The following WDFY2 variants were observed in gnomAD, a reference collection of about 807,000 sequenced individuals.
The protein encoded by WDFY2 is WD repeat and FYVE domain containing 2.
Under a neutral mutation model 56.4 loss-of-function variants are expected in WDFY2, and 36 were observed. The ratio of observed to expected loss-of-function variants is 0.64; its 90% CI spans 0.49 to 0.84. The LOEUF is 0.84. WDFY2 is among the 40% of genes least tolerant of loss of function. The pLI is 0.00. For synonymous variants in WDFY2, 176 were observed against 183.7 expected (o/e 0.96, Z 0.34); for missense variants, 444 against 512.2 (o/e 0.87, Z 1.29).
chr13:51,640,841 C>T lies in WDFY2; in HGVS notation c.138-19755C>T, dbSNP rs571997164. 1.1e-4 allele frequency among the ~76,000 whole-genome samples: 16 copies of T among 152,082 alleles called. No individual in the cohort carries two copies. In the South Asian group the frequency reaches 2.3e-3, roughly 22 times the overall value. On this transcript the variant is annotated intron_variant, in intron 1 of 11. Coordinates refer to ENST00000298125, the MANE Select transcript of WDFY2 (RefSeq NM_052950.4). ...CTCCAGCCTGGGCAACAAGATTTAT[C>T]GAATCATTTAATTCCTCTAGAGTCC...
chr13:51,651,010 T>G (rs1034825221), intron 1 of WDFY2, among the ~76,000 whole-genome samples: 3 of 152,222 alleles, frequency 2.0e-5, no homozygotes, highest in Admixed American at 6.5e-5. Flanking sequence ...TCCTTGTACC[T>G]CTGGTAGAAT....
At chr13:51,746,982 C>T (rs140938865) in intron 7 of WDFY2, among the ~76,000 whole-genome samples, 12 of 152,344 alleles carry the variant, frequency 7.9e-5, no homozygotes, top group East Asian at 7.7e-4. Flanking sequence ...TGACTCAATC[C>T]GCTGGCACAG....
At chr13:51,746,342 A>G (rs1953103932) in intron 7 of WDFY2, among the ~76,000 whole-genome samples, 1 of 152,186 alleles carries the variant, frequency 6.6e-6, no homozygotes, top group Non-Finnish European at 1.5e-5. Context: ...TTGCAACAAC[A>G]GTTGAATTCC....
At chr13:51,738,102 T>A (rs1379769214) in intron 6 of WDFY2, among the ~76,000 whole-genome samples, 1 of 152,186 alleles carries the variant, frequency 6.6e-6, no homozygotes, top group East Asian at 1.9e-4. Flanking sequence ...ATAATCTCAA[T>A]AAGAAAAATG....
chr13:51,623,905 C>G (rs1253639715), intron 1 of WDFY2, among the ~76,000 whole-genome samples: 1 of 151,686 alleles, frequency 6.6e-6, no homozygotes, highest in Non-Finnish European at 1.5e-5. Flanking sequence ...TTCTGTGTCT[C>G]CACACCATCC....
rs547391287 is a variant in WDFY2 at position 51,645,921 on chromosome 13, C to T, written c.138-14675C>T. Among the ~76,000 whole-genome samples, 3 of 152,296 alleles carry T rather than the reference C, an allele frequency of 2.0e-5. No individual in the cohort carries two copies. In the South Asian group the frequency reaches 6.2e-4, roughly 32 times the overall value. ...CAGCCCTAACTGGATTTTCCCTGCA[C>T]TCAGGGTGTTCAAGATGAACTCAAC... is the stretch of plus-strand genomic sequence containing the variant. On this transcript the variant is annotated intron_variant, in intron 1 of 11. Transcript: ENST00000298125.
At chr13:51,597,894 A>G (rs1027658754) in intron 1 of WDFY2, among the ~76,000 whole-genome samples, 2 of 152,220 alleles carry the variant, frequency 1.3e-5, no homozygotes, top group Admixed American at 1.3e-4. Context: ...TGGTACATGT[A>G]TATGCAAAAT....
At position 51,676,792 on chromosome 13, in the gene WDFY2, G is replaced by A. The variant is rs563885707; in HGVS notation, c.279+1549G>A. 2.0e-5 allele frequency among the ~76,000 whole-genome samples: 3 copies of A among 152,284 alleles called. No individual in the cohort carries two copies. The East Asian group carries it at 5.8e-4, about 29-fold the overall frequency. On this transcript the variant is annotated intron_variant, in intron 3 of 11. Transcript: ENST00000298125. Reference sequence around the variant, plus strand: ...ACTTTGAGGAGAGCCATTTTTAAAAGGAGGTGTGCATATGAGATAAATTTA... The same window carrying A: ...ACTTTGAGGAGAGCCATTTTTAAAAAGAGGTGTGCATATGAGATAAATTTA...
At chr13:51,634,655 G>T (rs1374206014) in intron 1 of WDFY2, among the ~76,000 whole-genome samples, 1 of 151,796 alleles carries the variant, frequency 6.6e-6, no homozygotes, top group Non-Finnish European at 1.5e-5. Context: ...ACTAAAAAAT[G>T]CAAAAATTAG....
intron 6 of WDFY2, among the ~76,000 whole-genome samples, chr13:51,733,058 CAG>C (rs1952758287): frequency 6.6e-6 from 1 of 152,160 alleles, no homozygotes; most frequent in South Asian, 2.1e-4. Context: ...TGTTTTGAGA[CAG>C]AGTCTTGCTC....
At chr13:51,690,196 A>AC (rs1566127317) in intron 3 of WDFY2, among the ~76,000 whole-genome samples, 223 of 11,572 alleles carry the variant, frequency 0.019, 1 homozygote, top group African/African-American at 0.04. Flanking sequence ...ATATATATAT[A>AC]TTTTTTTTAT....
At chr13:51,724,261 G>T in intron 5 of WDFY2, among the ~76,000 whole-genome samples, 2 of 133,982 alleles carry the variant, frequency 1.5e-5, no homozygotes, top group Admixed American at 7.7e-5. Context: ...TTTTGAGATG[G>T]CGTTTCACTC....
rs530491181 is a variant in WDFY2, at chr13:51,641,231, G to A, written c.138-19365G>A. ...GGGATTATAGGCGCCTGCTGCGCCCGGCTAATTCTTTGTATTTTTAGTAGA... is the reference window on the plus strand; with the variant it reads ...GGGATTATAGGCGCCTGCTGCGCCCAGCTAATTCTTTGTATTTTTAGTAGA... On this transcript the variant is annotated intron_variant, in intron 1 of 11. Coordinates refer to ENST00000298125, the MANE Select transcript of WDFY2 (RefSeq NM_052950.4). Among the ~76,000 whole-genome samples, 366 of 151,836 alleles carry A rather than the reference G, an allele frequency of 2.4e-3. 1 individual carries two copies. The highest frequency in any genetic ancestry group is 4.5e-3 in the Admixed American group (69 of 15,270).
At chr13:51,752,532 G>A (rs1189691734) in intron 8 of WDFY2, among the ~76,000 whole-genome samples, 1 of 152,080 alleles carries the variant, frequency 6.6e-6, no homozygotes, top group African/African-American at 2.4e-5. Flanking sequence ...CTTCTTTCTG[G>A]GCCCTCCTAA....
chr13:51,636,249 A>G (rs1955048694), intron 1 of WDFY2, among the ~76,000 whole-genome samples: 1 of 152,190 alleles, frequency 6.6e-6, no homozygotes, highest in Non-Finnish European at 1.5e-5. Context: ...CAGTTCACAC[A>G]CTGGCACACA....
intron 3 of WDFY2, among the ~76,000 whole-genome samples, chr13:51,691,871 G>T (rs1391881814): frequency 6.6e-6 from 1 of 151,302 alleles, no homozygotes; most frequent in South Asian, 2.1e-4. Flanking sequence ...CTTTTATTTC[G>T]TTGAGCAGTG....
rs1211376554 is a variant in WDFY2, at chr13:51,756,317, A to G, written c.934-15A>G. On this transcript the variant is annotated splice_polypyrimidine_tract_variant and intron_variant, in intron 9 of 11. Transcript: ENST00000298125. Reference sequence around the variant, plus strand: ...GGGAGCCGTGATGAGTATCTATTTTATCTCCCTCCTCCAGCACCACTGCCG... The same window carrying G: ...GGGAGCCGTGATGAGTATCTATTTTGTCTCCCTCCTCCAGCACCACTGCCG... 1 of 1,609,398 alleles carries G rather than the reference A, an allele frequency of 6.2e-7. No homozygotes were observed. The highest frequency in any genetic ancestry group is 8.5e-7 in the Non-Finnish European group (1 of 1,177,690).
intron 3 of WDFY2, among the ~76,000 whole-genome samples, chr13:51,678,085 C>G (rs766330924): frequency 6.6e-6 from 1 of 152,172 alleles, no homozygotes; most frequent in Non-Finnish European, 1.5e-5. Context: ...ATCTTCCCCA[C>G]CTCATTAAAA....
chr13:51,700,050 CAG>C (rs1000564839), intron 3 of WDFY2, among the ~76,000 whole-genome samples: 5 of 152,222 alleles, frequency 3.3e-5, no homozygotes, highest in East Asian at 3.9e-4. Flanking sequence ...TGGGTGAAAA[CAG>C]AAAGTTACAG....
Sources: gnomAD v4.1 joint callset for allele counts (sites outside exome capture counted in the v4.1 genomes callset) on GRCh38, gnomAD v4.1.1 for gene constraint, MANE v1.5 for transcripts, NCBI Gene and HGNC (gene_info 2026-07-23, HGNC 2026-07-21) for gene names.